Variants in MUC5AC observed in about 807,000 individuals in gnomAD.
MUC5AC encodes the protein mucin 5AC, oligomeric mucus/gel-forming.
A neutral mutation model predicts 169.7 loss-of-function variants in MUC5AC; 158 were observed. The ratio of observed to expected loss-of-function variants is 0.93; its 90% confidence interval spans 0.82 to 1.06. The LOEUF is 1.06. Among genes scored for constraint, MUC5AC ranks in the 50% least tolerant of loss-of-function variants. MUC5AC has a pLI of 0.00. For missense variants in MUC5AC, 4,359 were observed against 3,089.9 expected (o/e 1.41, Z -9.74); for synonymous variants, 1,975 against 1,237.0 (o/e 1.60, Z -12.52).
intron 40 of MUC5AC, 110 bp from the exon 41 acceptor site, chr11:1,197,358 G>T: frequency 1.5e-6 from 1 of 652,648 alleles, no homozygotes; most frequent in African/African-American, 1.8e-5. Context: ...CTCAGTGCAG[G>T]CCACACGGCC....
At chr11:1,192,579 T>C (rs77998608) in intron 31 of MUC5AC, 54 bp downstream of exon 31, 86,986 of 745,030 alleles carry the variant, frequency 0.12, 6,291 homozygotes, top group Non-Finnish European at 0.16. Context: ...GTCAGTTTTT[T>C]ATCCAGGAAC....
intron 24 of MUC5AC, among the ~76,000 whole-genome samples, 182 bp downstream of exon 24, chr11:1,177,815 G>A (rs1011356246): frequency 6.6e-6 from 1 of 152,210 alleles, no homozygotes; most frequent in Non-Finnish European, 1.5e-5. Flanking sequence ...CTCCTTGGCT[G>A]GGTGTCAGTG....
rs1554928996 is a variant in MUC5AC at position 1,191,619 on chromosome 11, G to C, written c.13474G>C (p.Ala4492Pro). Residue 4492 changes from alanine (A) to proline (P), a missense_variant, in exon 31 of 49, where the codon GCT becomes CCT. Coordinates refer to ENST00000621226, the MANE Select transcript of MUC5AC (RefSeq NM_001304359.2). ...SPVPTTSTTS[A>P]PTTSTTSAST... The stretch of plus-strand genomic sequence containing the variant: ...TGTTCCCACCACCAGCACAACCTCT[G>C]CTCCTACAACCAGCACAACCTCTGC... 1.5e-6 allele frequency: 1 copy of C among 686,676 alleles called. No individual in the cohort carries two copies. Among genetic ancestry groups the C allele is most frequent in the African/African-American group, 1.9e-5 (1 of 51,298 alleles). The allele number at this position is 686,676 out of a possible 1,614,324, so 42.5% of individuals were successfully genotyped here.
rs535891964 is a variant in MUC5AC at position 1,199,364 on chromosome 11, C to T, written c.16396-7C>T. On this transcript the variant is annotated splice_region_variant and splice_polypyrimidine_tract_variant and intron_variant, in intron 45 of 48. Transcript: ENST00000621226. ...GTCACTCACCCCGGGGCCTGGCCTC[C>T]CTCCAGCCCGGCGAGACCTGGTCAG... The T allele has an allele frequency of 2.7e-5, 19 of 709,720 alleles. No individual in the cohort carries two copies. Among genetic ancestry groups the T allele is most frequent in the Non-Finnish European group, 3.6e-5 (14 of 389,356 alleles). 44.0% of individuals were successfully genotyped at this position (709,720 alleles called of 1,614,324 possible). A position where few individuals can be genotyped will look rare whatever the true frequency, so the allele number is the denominator to read the frequency against.
Position 1,194,576 on chromosome 11 carries a change from C to T in MUC5AC, c.15096C>T (p.Ile5032=). 1.3e-6 allele frequency: 1 copy of T among 764,552 alleles called. No homozygotes were observed. Among genetic ancestry groups the T allele is most frequent in the Non-Finnish European group, 2.4e-6 (1 of 417,636 alleles). The allele number at this position is 764,552 out of a possible 1,614,324, so 47.4% of individuals were successfully genotyped here. Reference sequence around the variant, plus strand: ...TCGGCGTCAAGATGTACGCGACCATCCCGGAGCTGGGAGTCCAGGTCATGT... The same window carrying T: ...TCGGCGTCAAGATGTACGCGACCATTCCGGAGCTGGGAGTCCAGGTCATGT... ...SRIGVKMYAT[I]PELGVQVMFS... Residue 5032 remains isoleucine, a synonymous_variant, in exon 35 of 49, where the codon ATC becomes ATT. Coordinates refer to ENST00000621226, the MANE Select transcript of MUC5AC (RefSeq NM_001304359.2).
Position 1,199,979 on chromosome 11 carries a change from T to C in MUC5AC, c.16700+10T>C, listed in dbSNP as rs1590156184. ...GGGACAGCTCTTCCATGTACGTGCC[T>C]GGGCAGCAGGCAGGGAGACGCGATT... On this transcript the variant is annotated intron_variant, in intron 48 of 48. Transcript: ENST00000621226. The C allele has an allele frequency of 1.3e-6, 1 of 755,762 alleles. No individual in the cohort carries two copies. Among genetic ancestry groups the C allele is most frequent in the Non-Finnish European group, 2.4e-6 (1 of 413,734 alleles). The allele number at this position is 755,762 out of a possible 1,614,324, so 46.8% of individuals were successfully genotyped here.
chr11:1,197,131 G>A (rs893710395), intron 40 of MUC5AC, among the ~76,000 whole-genome samples: 2 of 152,134 alleles, frequency 1.3e-5, no homozygotes, highest in African/African-American at 2.4e-5. Context: ...GGACGGTGCC[G>A]GGGCGTCTGT....
rs1860915982 is a variant in MUC5AC at position 1,185,497 on chromosome 11, C to A, written c.7352C>A (p.Thr2451Asn). ...AGCACAACTTCTGGTCCTGGAACTACCCCAAGCCCTGTTCCCACGACCAGC... is the reference window on the plus strand; with the variant it reads ...AGCACAACTTCTGGTCCTGGAACTAACCCAAGCCCTGTTCCCACGACCAGC... ...TTSTTSGPGT[T>N]PSPVPTTSTT... Residue 2451 changes from threonine (T) to asparagine (N), a missense_variant, in exon 31 of 49, where the codon ACC (threonine) becomes AAC (asparagine). By Grantham distance (65) the Thr-to-Asn change is moderately conservative. Coordinates refer to ENST00000621226, the MANE Select transcript of MUC5AC (RefSeq NM_001304359.2). 5.5e-6 allele frequency: 4 copies of A among 726,250 alleles called. No homozygotes were observed. Among genetic ancestry groups the A allele is most frequent in the Non-Finnish European group, 1.0e-5 (4 of 398,718 alleles). 45.0% of individuals were successfully genotyped at this position (726,250 alleles called of 1,614,324 possible).
rs1439826909 is a variant in MUC5AC, at chr11:1,189,322, G to A, written c.11177G>A (p.Ser3726Asn). 2 of 494,600 alleles carry A rather than the reference G, an allele frequency of 4.0e-6. No individual in the cohort carries two copies. The highest frequency in any genetic ancestry group is 7.0e-6 in the Non-Finnish European group (2 of 286,812). 30.6% of individuals were successfully genotyped at this position (494,600 alleles called of 1,614,324 possible). A position where few individuals can be genotyped will look rare whatever the true frequency, so the allele number is the denominator to read the frequency against. Residue 3726 changes from serine (S) to asparagine (N), a missense_variant, in exon 31 of 49, where the codon AGC (serine) becomes AAC (asparagine). Coordinates refer to ENST00000621226, the MANE Select transcript of MUC5AC (RefSeq NM_001304359.2). ...PQTTTSSAPT[S>N]STTSAPTTST... is the part of the protein sequence containing the mutation. ...ACCACCACATCCTCTGCCCCTACAA[G>A]CAGCACAACCTCGGCTCCTACCACC...
At chr11:1,165,023 T>C (rs55951288) in intron 9 of MUC5AC, among the ~76,000 whole-genome samples, 2 of 123,506 alleles carry the variant, frequency 1.6e-5, no homozygotes, top group Admixed American at 8.3e-5. Context: ...GATCCTGTCC[T>C]GGGCCCCCTG....
intron 37 of MUC5AC, among the ~76,000 whole-genome samples, 154 bp from the exon 38 acceptor site, chr11:1,196,234 C>T (rs539403660): frequency 2.6e-5 from 4 of 152,292 alleles, no homozygotes; most frequent in South Asian, 2.1e-4. Context: ...TCTGGGAGCC[C>T]GTGGCGGGGC....
At position 1,196,737 on chromosome 11, in the gene MUC5AC, G is replaced by T. The variant is rs763438820; in HGVS notation, c.15829+17G>T. On this transcript the variant is annotated intron_variant, in intron 39 of 48. Coordinates refer to ENST00000621226, the MANE Select transcript of MUC5AC (RefSeq NM_001304359.2). ...GCTGCCCCAGTACGTGCCCCAGGCC[G>T]GGGCTGGGGGGTGTGGCAGGACTGG... The T allele has an allele frequency of 1.3e-6, 1 of 744,056 alleles. No individual in the cohort carries two copies. Among genetic ancestry groups the T allele is most frequent in the East Asian group, 2.5e-5 (1 of 39,708 alleles). 46.1% of individuals were successfully genotyped at this position (744,056 alleles called of 1,614,324 possible). A position where few individuals can be genotyped will look rare whatever the true frequency, so the allele number is the denominator to read the frequency against.
In MUC5AC at chr11:1,165,430, G is replaced by A. The variant is rs76408501; in HGVS notation, c.1247+11G>A. 2,648 of 1,487,034 alleles carry A rather than the reference G, an allele frequency of 1.8e-3. 85 individuals are homozygous for A. In the East Asian group the frequency reaches 0.053, roughly 30 times the overall value. 92.1% of individuals were successfully genotyped at this position (1,487,034 alleles called of 1,614,324 possible). A position where few individuals can be genotyped will look rare whatever the true frequency, so the allele number is the denominator to read the frequency against. The stretch of plus-strand genomic sequence containing the variant: ...AGACTGCACCAACTGGTAGGTCCCA[G>A]CCCCCCTCCAGGCCACCAAGGATGT... On this transcript the variant is annotated intron_variant, in intron 10 of 48. Coordinates refer to ENST00000621226, the MANE Select transcript of MUC5AC (RefSeq NM_001304359.2).
Position 1,189,841 on chromosome 11 carries a change from C to T in MUC5AC, c.11696C>T (p.Pro3899Leu). The part of the protein sequence containing the change: ...SPPTSSTSST[P>L]QTSKTSAATS... ...CCTACAAGCAGCACAAGCTCCACTC[C>T]ACAGACCAGCAAAACCTCAGCTGCT... The change falls in exon 31 of 49, where the codon CCA (proline) becomes CTA (leucine). Residue 3899 changes from proline (P) to leucine (L), a missense_variant. Coordinates refer to ENST00000621226, the MANE Select transcript of MUC5AC (RefSeq NM_001304359.2). The T allele has an allele frequency of 1.3e-6, 1 of 758,900 alleles. No homozygotes were observed. Among genetic ancestry groups the T allele is most frequent in the Non-Finnish European group, 2.4e-6 (1 of 414,620 alleles). The allele number at this position is 758,900 out of a possible 1,614,324, so 47.0% of individuals were successfully genotyped here.
chr11:1,174,601 G>C lies in MUC5AC; in HGVS notation c.2071G>C (p.Gly691Arg). 7.3e-7 allele frequency: 1 copy of C among 1,369,486 alleles called. No individual in the cohort carries two copies. The highest frequency in any genetic ancestry group is 1.0e-6 in the Non-Finnish European group (1 of 994,944). 84.8% of individuals were successfully genotyped at this position (1,369,486 alleles called of 1,614,324 possible). A position where few individuals can be genotyped will look rare whatever the true frequency, so the allele number is the denominator to read the frequency against. The change falls in exon 17 of 49, where the codon GGC (glycine) becomes CGC (arginine). Residue 691 changes from glycine (G) to arginine (R), a missense_variant. Transcript: ENST00000621226. The stretch of plus-strand genomic sequence containing the variant: ...TGCCGCCAAGGGCGTGCAGCTCGGC[G>C]GCTGGAGGGACGGCGTCTGCAGTGA... The part of the protein sequence containing the change: ...ACAAKGVQLG[G>R]WRDGVCTKPM...
chr11:1,164,228 C>T lies in MUC5AC; in HGVS notation c.912C>T (p.Leu304=). 1 of 1,612,674 alleles carries T rather than the reference C, an allele frequency of 6.2e-7. No individual in the cohort carries two copies. The highest frequency in any genetic ancestry group is 8.5e-7 in the Non-Finnish European group (1 of 1,179,872). The part of the protein sequence containing the change: ...DLCFCEDTDL[L]SCVCHTLAEY... ...GCTTCTGTGAAGACACCGACCTGCT[C>T]AGCTGCGTCTGCCACACCCTTGCCG... Residue 304 remains leucine, a synonymous_variant, in exon 8 of 49, where the codon CTC becomes CTT. Coordinates refer to ENST00000621226, the MANE Select transcript of MUC5AC (RefSeq NM_001304359.2).
intron 4 of MUC5AC, 117 bp downstream of exon 4, chr11:1,162,285 G>C: frequency 6.9e-7 from 1 of 1,451,258 alleles, no homozygotes. Flanking sequence ...GCCCCTGAGA[G>C]CAGAGCTGGA....
chr11:1,162,095 A>G lies in MUC5AC; in HGVS notation c.400A>G (p.Ser134Gly). ...CCAGGAGTCAGCGGCCCCCACGCTGAGCAGGGTCCTCATGAAGGTGGATGG... is the reference window on the plus strand; with the variant it reads ...CCAGGAGTCAGCGGCCCCCACGCTGGGCAGGGTCCTCATGAAGGTGGATGG... ...RSQESAAPTL[S>G]RVLMKVDGVV... The change falls in exon 4 of 49, where the codon AGC becomes GGC. Residue 134 changes from serine to glycine, a missense_variant. Ser to Gly is a moderately conservative substitution (Grantham distance 56, BLOSUM62 0). Coordinates refer to ENST00000621226, the MANE Select transcript of MUC5AC (RefSeq NM_001304359.2). The G allele has an allele frequency of 6.2e-7, 1 of 1,612,706 alleles. No homozygotes were observed. Among genetic ancestry groups the G allele is most frequent in the Non-Finnish European group, 8.5e-7 (1 of 1,179,844 alleles).
At position 1,188,062 on chromosome 11, in the gene MUC5AC, C is replaced by G. The variant is rs1685308473; in HGVS notation, c.9917C>G (p.Pro3306Arg). 2 of 747,880 alleles carry G rather than the reference C, an allele frequency of 2.7e-6. No homozygotes were observed. The highest frequency in any genetic ancestry group is 1.8e-5 in the Admixed American group (1 of 56,998). The allele number at this position is 747,880 out of a possible 1,614,324, so 46.3% of individuals were successfully genotyped here. Residue 3306 changes from proline to arginine, a missense_variant, in exon 31 of 49, where the codon CCC becomes CGC. Physicochemically the swap from Pro to Arg is moderately radical, Grantham distance 103. Coordinates refer to ENST00000621226, the MANE Select transcript of MUC5AC (RefSeq NM_001304359.2). ...LVCRNQDQQG[P>R]FKMCLNYEVR... ...TGCCGGAACCAGGACCAGCAGGGACCCTTCAAGATGTGCCTCAACTACGAG... is the reference window on the plus strand; with the variant it reads ...TGCCGGAACCAGGACCAGCAGGGACGCTTCAAGATGTGCCTCAACTACGAG...
Sources: gnomAD v4.1 joint callset for allele counts (sites outside exome capture counted in the v4.1 genomes callset) on GRCh38, gnomAD v4.1.1 for gene constraint, MANE v1.5 for transcripts, NCBI Gene and HGNC (gene_info 2026-07-23, HGNC 2026-07-21) for gene names.